The following RUNDC3B variants were observed in gnomAD, a reference collection of about 807,000 sequenced individuals.
RUNDC3B encodes RUN domain containing 3B.
Under a neutral mutation model 58.4 loss-of-function variants are expected in RUNDC3B, and 33 were observed. The observed-to-expected ratio is 0.56, with a 90% CI of 0.43 to 0.75. The LOEUF is 0.75. Ranked by LOEUF, RUNDC3B falls within the 30% of genes least tolerant of loss-of-function variation. The pLI is 0.00. For synonymous variants in RUNDC3B, 193 were observed against 195.2 expected (o/e 0.99, Z 0.10); for missense variants, 501 against 535.7 (o/e 0.94, Z 0.64).
At chr7:87,658,044 G>T (rs1048946577) in intron 2 of RUNDC3B, among the ~76,000 whole-genome samples, 1 of 152,170 alleles carries the variant, frequency 6.6e-6, no homozygotes, top group Non-Finnish European at 1.5e-5. Flanking sequence ...GAAGATCTCA[G>T]ATTGCATAAT....
intron 7 of RUNDC3B, among the ~76,000 whole-genome samples, chr7:87,776,358 A>G (rs960851076): frequency 6.6e-6 from 1 of 152,200 alleles, no homozygotes; most frequent in African/African-American, 2.4e-5. Context: ...TATTCATACA[A>G]TGGAATACTA....
chr7:87,798,068 G>C (rs1835908257), intron 8 of RUNDC3B, among the ~76,000 whole-genome samples: 1 of 152,164 alleles, frequency 6.6e-6, no homozygotes, highest in Admixed American at 6.5e-5. Context: ...AGTTGGAGGT[G>C]CTTGCTCTCT....
chr7:87,638,026 G>A (rs1018561919), intron 1 of RUNDC3B, among the ~76,000 whole-genome samples: 1 of 151,864 alleles, frequency 6.6e-6, no homozygotes, highest in African/African-American at 2.4e-5. Context: ...CTGAGAATTT[G>A]TATCATAAAT....
At chr7:87,757,880 G>C (rs955158589) in intron 6 of RUNDC3B, among the ~76,000 whole-genome samples, 3 of 152,118 alleles carry the variant, frequency 2.0e-5, no homozygotes, top group African/African-American at 4.8e-5. Flanking sequence ...ATTTTCTAGA[G>C]AGGTCAAGAA....
intron 1 of RUNDC3B, among the ~76,000 whole-genome samples, chr7:87,647,036 A>G (rs925046171): frequency 2.7e-4 from 41 of 152,180 alleles, no homozygotes; most frequent in African/African-American, 9.2e-4. Context: ...GCATTCCTCA[A>G]TCAGGGTTCA....
At chr7:87,774,116 C>T (rs951232916) in intron 7 of RUNDC3B, among the ~76,000 whole-genome samples, 13 of 151,994 alleles carry the variant, frequency 8.6e-5, no homozygotes, top group Non-Finnish European at 1.3e-4. Flanking sequence ...GATATCAATA[C>T]AAACAGTTTA....
At chr7:87,654,322 C>A (rs1266020355) in intron 2 of RUNDC3B, among the ~76,000 whole-genome samples, 3 of 151,910 alleles carry the variant, frequency 2.0e-5, no homozygotes, top group Admixed American at 6.6e-5. Context: ...AAATACTTGA[C>A]TTCAAAATAT....
At position 87,759,325 on chromosome 7, in the gene RUNDC3B, C is replaced by T. The variant is rs557125562; in HGVS notation, c.630-11256C>T. Among the ~76,000 whole-genome samples, 40 of 151,578 alleles carry T rather than the reference C, an allele frequency of 2.6e-4. No homozygotes were observed. In the Middle Eastern group the frequency reaches 0.02, roughly 77 times the overall value. ...AGAATAGAATGATGGTTAGCACAGC[C>T]TGGAAAGGGTAGCAAGGGAAGGGAG... On this transcript the variant is annotated intron_variant, in intron 6 of 10. Transcript: ENST00000394654.
chr7:87,709,967 T>G (rs543417141), intron 3 of RUNDC3B, among the ~76,000 whole-genome samples: 1 of 152,300 alleles, frequency 6.6e-6, no homozygotes, highest in Non-Finnish European at 1.5e-5. Context: ...GCTTCTGTTT[T>G]TTGTTGTTGT....
intron 2 of RUNDC3B, among the ~76,000 whole-genome samples, chr7:87,690,867 A>T (rs1563136918): frequency 6.6e-6 from 1 of 152,130 alleles, no homozygotes. Flanking sequence ...AGTCTTTTCC[A>T]TATTCCATCT....
intron 4 of RUNDC3B, among the ~76,000 whole-genome samples, chr7:87,722,452 G>A (rs1254463221): frequency 2.0e-5 from 3 of 152,104 alleles, no homozygotes; most frequent in Non-Finnish European, 2.9e-5. Flanking sequence ...TGAAGTAATT[G>A]TATTTCTTTT....
Position 87,830,263 on chromosome 7 carries a change from CT to C in RUNDC3B, c.*236del. On this transcript the variant is annotated 3_prime_UTR_variant, in exon 11 of 11. Transcript: ENST00000394654. ...TTGAGAAAGTTCAAAATGGAATAGG[CT>C]TTAAAAAAAAAAAAACTTTCAAAGA... is the stretch of plus-strand genomic sequence containing the variant. 1.4e-5 allele frequency: 4 copies of C among 292,702 alleles called. No homozygotes were observed. The highest frequency in any genetic ancestry group is 2.2e-5 in the African/African-American group (1 of 44,886). 18.1% of individuals were successfully genotyped at this position (292,702 alleles called of 1,614,324 possible).
intron 2 of RUNDC3B, chr7:87,694,121 G>C: frequency 5.3e-6 from 4 of 759,520 alleles, no homozygotes; most frequent in Non-Finnish European, 6.4e-6. Flanking sequence ...TTAATCCAGA[G>C]AGCACAAGTA....
At chr7:87,674,402 C>T (rs964626259) in intron 2 of RUNDC3B, among the ~76,000 whole-genome samples, 4 of 151,970 alleles carry the variant, frequency 2.6e-5, no homozygotes, top group Admixed American at 6.6e-5. Flanking sequence ...GCCTTCATGT[C>T]GGTGGCAGTG....
At chr7:87,674,193 C>A (rs1030796700) in intron 2 of RUNDC3B, among the ~76,000 whole-genome samples, 4 of 152,182 alleles carry the variant, frequency 2.6e-5, no homozygotes, top group African/African-American at 7.2e-5. Flanking sequence ...TTCATGTGTG[C>A]CAGCATCTGC....
At chr7:87,684,746 C>CAAAAAAAAAAAAA (rs71524694) in intron 2 of RUNDC3B, among the ~76,000 whole-genome samples, 2 of 37,792 alleles carry the variant, frequency 5.3e-5, no homozygotes, top group Non-Finnish European at 8.0e-5. Flanking sequence ...GACTCCGTCT[C>CAAAAAAAAAAAAA]AAAAAAAAAA....
At chr7:87,650,159 A>G (rs894077808) in intron 1 of RUNDC3B, among the ~76,000 whole-genome samples, 1 of 152,178 alleles carries the variant, frequency 6.6e-6, no homozygotes, top group East Asian at 1.9e-4. Flanking sequence ...TACAAGTAGT[A>G]TTACTGTTTT....
intron 10 of RUNDC3B, among the ~76,000 whole-genome samples, chr7:87,819,884 A>G: frequency 6.6e-6 from 1 of 152,148 alleles, no homozygotes; most frequent in Non-Finnish European, 1.5e-5. Flanking sequence ...ACACATTCAA[A>G]GCAGTGTGTA....
intron 6 of RUNDC3B, among the ~76,000 whole-genome samples, chr7:87,748,886 A>G (rs1361405709): frequency 6.6e-6 from 1 of 152,230 alleles, no homozygotes; most frequent in Non-Finnish European, 1.5e-5. Flanking sequence ...GGGAAAAGGG[A>G]CAATTGTAGT....
Sources: gnomAD v4.1 joint callset for allele counts (sites outside exome capture counted in the v4.1 genomes callset) on GRCh38, gnomAD v4.1.1 for gene constraint, MANE v1.5 for transcripts, NCBI Gene and HGNC (gene_info 2026-07-23, HGNC 2026-07-21) for gene names.